Variants in GLIS1 observed in about 807,000 individuals in gnomAD.
GLIS1 encodes GLIS family zinc finger 1.
Under a neutral mutation model 63.8 loss-of-function variants are expected in GLIS1, and 24 were observed. The observed-to-expected ratio is 0.38, with a 90% CI of 0.27 to 0.53. GLIS1 has a LOEUF of 0.53. GLIS1 is among the 20% of genes least tolerant of loss of function. The pLI is 0.85. For missense variants in GLIS1, 1,036 were observed against 1,074.1 expected (o/e 0.96, Z 0.50); for synonymous variants, 450 against 482.5 (o/e 0.93, Z 0.88).
At chr1:53,604,462 C>T (rs1416322480) in intron 2 of GLIS1, among the ~76,000 whole-genome samples, 1 of 152,230 alleles carries the variant, frequency 6.6e-6, no homozygotes, top group African/African-American at 2.4e-5. Flanking sequence ...CTGAACCCTG[C>T]CAAGTCTGCG....
intron 2 of GLIS1, among the ~76,000 whole-genome samples, chr1:53,718,352 C>T (rs1646720821): frequency 6.6e-6 from 1 of 152,138 alleles, no homozygotes; most frequent in Non-Finnish European, 1.5e-5. Context: ...CTGAGGGAAC[C>T]TGATGCATTT....
At chr1:53,547,369 T>G (rs6693508) in intron 4 of GLIS1, among the ~76,000 whole-genome samples, 92,510 of 152,212 alleles carry the variant, frequency 0.61, 28,454 homozygotes, top group Middle Eastern at 0.64. Flanking sequence ...AAGAGCTGCA[T>G]GCTCAATGGG....
chr1:53,508,015 C>T (rs556974431), intron 10 of GLIS1, among the ~76,000 whole-genome samples: 277 of 152,362 alleles, frequency 1.8e-3, no homozygotes, highest in Middle Eastern at 0.014. Flanking sequence ...CACGTTTACC[C>T]ACGGGCCTGT....
intron 2 of GLIS1, among the ~76,000 whole-genome samples, chr1:53,632,704 T>C (rs1207755778): frequency 7.0e-6 from 1 of 143,598 alleles, no homozygotes; most frequent in Non-Finnish European, 1.5e-5. Context: ...CTGAGGGGTG[T>C]GAATGAGTGT....
intron 7 of GLIS1, among the ~76,000 whole-genome samples, chr1:53,517,117 C>T (rs1215960140): frequency 6.6e-6 from 1 of 152,042 alleles, no homozygotes; most frequent in Non-Finnish European, 1.5e-5. Flanking sequence ...TCCAAAGTCA[C>T]AGAGTAGGCG....
At chr1:53,714,923 A>T (rs765676029) in intron 2 of GLIS1, among the ~76,000 whole-genome samples, 2 of 152,078 alleles carry the variant, frequency 1.3e-5, no homozygotes, top group Non-Finnish European at 2.9e-5. Flanking sequence ...TTTTATTTTT[A>T]TTTATTTATG....
intron 2 of GLIS1, among the ~76,000 whole-genome samples, chr1:53,610,347 AGCCTACTG>A (rs1187411585): frequency 6.6e-6 from 1 of 152,212 alleles, no homozygotes; most frequent in African/African-American, 2.4e-5. Context: ...AAAAATTGTA[AGCCTACTG>A]GCAAGGAATT....
intron 6 of GLIS1, 47 bp from the exon 7 acceptor site, chr1:53,520,813 C>G: frequency 6.5e-7 from 1 of 1,547,694 alleles, no homozygotes; most frequent in East Asian, 2.3e-5. Flanking sequence ...GAGACCCCTG[C>G]CCACCAGCAA....
At chr1:53,622,714 C>G (rs1645558629) in intron 2 of GLIS1, among the ~76,000 whole-genome samples, 1 of 152,128 alleles carries the variant, frequency 6.6e-6, no homozygotes, top group Non-Finnish European at 1.5e-5. Flanking sequence ...ATGCCAACAG[C>G]CACCAGAGGC....
intron 2 of GLIS1, among the ~76,000 whole-genome samples, chr1:53,693,525 C>T (rs6694399): frequency 0.25 from 38,336 of 152,066 alleles, 5,198 homozygotes; most frequent in African/African-American, 0.36. Flanking sequence ...CATCCTGGTC[C>T]CACAGCACCC....
chr1:53,647,332 G>C (rs1645857617), intron 2 of GLIS1, among the ~76,000 whole-genome samples: 1 of 152,190 alleles, frequency 6.6e-6, no homozygotes. Context: ...TAATTAATGT[G>C]AAACTGGCAC....
chr1:53,575,184 G>C (rs956298016), intron 4 of GLIS1, among the ~76,000 whole-genome samples: 1 of 152,104 alleles, frequency 6.6e-6, no homozygotes, highest in African/African-American at 2.4e-5. Context: ...AGCACAGATT[G>C]CAATTAACAT....
intron 4 of GLIS1, among the ~76,000 whole-genome samples, chr1:53,592,880 A>T (rs941071807): frequency 7.9e-5 from 12 of 152,222 alleles, no homozygotes; most frequent in Admixed American, 5.9e-4. Flanking sequence ...ATCCTGTCCG[A>T]CGCCCAGCTC....
chr1:53,706,379 G>C (rs2100508510), intron 2 of GLIS1, among the ~76,000 whole-genome samples: 1 of 152,314 alleles, frequency 6.6e-6, no homozygotes, highest in East Asian at 1.9e-4. Flanking sequence ...CAAAAAAGAT[G>C]CGTTCTTTTC....
chr1:53,680,316 T>C (rs934626958), intron 2 of GLIS1, among the ~76,000 whole-genome samples: 3 of 151,872 alleles, frequency 2.0e-5, no homozygotes, highest in African/African-American at 4.8e-5. Flanking sequence ...ATTAAGAAAA[T>C]GTACTTCCCT....
chr1:53,701,922 G>A (rs1646526829), intron 2 of GLIS1, among the ~76,000 whole-genome samples: 1 of 150,998 alleles, frequency 6.6e-6, no homozygotes, highest in South Asian at 2.1e-4. Context: ...GAACCCGAGA[G>A]GCAGAGGTTG....
intron 2 of GLIS1, among the ~76,000 whole-genome samples, chr1:53,719,794 C>G (rs1286493321): frequency 2.6e-5 from 4 of 152,122 alleles, no homozygotes; most frequent in African/African-American, 9.7e-5. Context: ...TATAAAGGTT[C>G]CTCAAAAAAT....
At chr1:53,732,180 G>A (rs1028243115) in intron 2 of GLIS1, among the ~76,000 whole-genome samples, 11 of 152,166 alleles carry the variant, frequency 7.2e-5, no homozygotes, top group Admixed American at 3.3e-4. Context: ...AACACGATCC[G>A]CCTCGATCCA....
chr1:53,510,679 C>T (rs1644289966), intron 8 of GLIS1, among the ~76,000 whole-genome samples: 1 of 152,168 alleles, frequency 6.6e-6, no homozygotes, highest in African/African-American at 2.4e-5. Context: ...GTGTGATGTC[C>T]AATACATTCT....
Sources: gnomAD v4.1 joint callset for allele counts (sites outside exome capture counted in the v4.1 genomes callset) on GRCh38, gnomAD v4.1.1 for gene constraint, MANE v1.5 for transcripts, NCBI Gene and HGNC (gene_info 2026-07-23, HGNC 2026-07-21) for gene names.